AAGAB: variants seen among roughly 807,000 people sequenced by gnomAD.
The protein encoded by AAGAB is alpha- and gamma-adaptin-binding protein p34.
In AAGAB, 38 loss-of-function variants were observed where a neutral mutation model predicts 44.1. That is an observed-to-expected ratio of 0.86 (90% CI 0.67 to 1.13). The LOEUF is 1.13. Among genes scored for constraint, AAGAB ranks in the 50% most tolerant of loss-of-function variants. The probability of loss-of-function intolerance (pLI) is 0.00; values close to 1 mark genes in which losing one functional copy is unlikely to be tolerated. For synonymous variants in AAGAB, 131 were observed against 131.8 expected (o/e 0.99, Z 0.04); for missense variants, 450 against 373.8 (o/e 1.20, Z -1.68).
At chr15:67,222,252 A>ACC (rs1964096098) in intron 5 of AAGAB, among the ~76,000 whole-genome samples, 1 of 138,956 alleles carries the variant, frequency 7.2e-6, no homozygotes, top group Non-Finnish European at 1.5e-5. Flanking sequence ...GCACACACAC[A>ACC]CACACACACA....
chr15:67,210,283 G>A (rs1204492732), intron 5 of AAGAB, among the ~76,000 whole-genome samples: 2 of 152,088 alleles, frequency 1.3e-5, no homozygotes, highest in Non-Finnish European at 2.9e-5. Flanking sequence ...TTGGGAGGCC[G>A]AGGCCGGCGG....
intron 5 of AAGAB, among the ~76,000 whole-genome samples, chr15:67,211,970 C>A (rs1056161600): frequency 2.6e-5 from 4 of 151,964 alleles, no homozygotes; most frequent in Non-Finnish European, 5.9e-5. Context: ...AGCTCCGCCT[C>A]CTGGGTTCAC....
chr15:67,231,697 GA>G lies in AAGAB; in HGVS notation c.535+116del. 7 of 826,574 alleles carry G rather than the reference GA, an allele frequency of 8.5e-6. No individual in the cohort carries two copies. In the South Asian group the frequency reaches 1.2e-4, roughly 14 times the overall value. The allele number at this position is 826,574 out of a possible 1,614,324, so 51.2% of individuals were successfully genotyped here. On this transcript the variant is annotated intron_variant, in intron 5 of 9. Coordinates refer to ENST00000261880, the MANE Select transcript of AAGAB (RefSeq NM_024666.5). ...TGGCGCTTCCTTCAATCAGCGAACT[GA>G]AATTGGAACAAATCTACAGATTTCA...
intron 1 of AAGAB, among the ~76,000 whole-genome samples, chr15:67,239,549 T>G (rs1440115087): frequency 6.6e-6 from 1 of 152,242 alleles, no homozygotes; most frequent in East Asian, 1.9e-4. Context: ...GGTTTTTGTT[T>G]TATTCTCTGT....
chr15:67,217,998 A>G (rs1278520650), intron 5 of AAGAB, among the ~76,000 whole-genome samples: 1 of 152,232 alleles, frequency 6.6e-6, no homozygotes, highest in Non-Finnish European at 1.5e-5. Flanking sequence ...GAAAACTACA[A>G]CAGAAAGAAT....
intron 5 of AAGAB, among the ~76,000 whole-genome samples, chr15:67,215,175 C>G (rs1189485286): frequency 1.3e-5 from 2 of 152,050 alleles, no homozygotes; most frequent in Non-Finnish European, 2.9e-5. Context: ...TATTAATACT[C>G]ATCTCGAGTC....
chr15:67,213,587 C>G (rs1051960110), intron 5 of AAGAB, among the ~76,000 whole-genome samples: 3 of 151,932 alleles, frequency 2.0e-5, no homozygotes, highest in African/African-American at 7.3e-5. Flanking sequence ...TGATTTTTTC[C>G]CTTCTCCATT....
At chr15:67,232,934 T>C (rs1244337839) in intron 4 of AAGAB, 1 of 156,120 alleles carries the variant, frequency 6.4e-6, no homozygotes, top group Non-Finnish European at 1.4e-5. Context: ...AAGAATATTC[T>C]AGAAACTAAA....
chr15:67,222,242 G>GCACACACACA lies in AAGAB; in HGVS notation c.535+9562_535+9571dup, dbSNP rs370826027. Among the ~76,000 whole-genome samples the GCACACACACA allele has an allele frequency of 9.7e-4, 87 of 90,116 alleles. 1 individual carries two copies. The highest frequency in any genetic ancestry group is 5.5e-3 in the East Asian group (9 of 1,622). 59.1% of individuals were successfully genotyped at this position (90,116 alleles called of 152,430 possible). A position where few individuals can be genotyped will look rare whatever the true frequency, so the allele number is the denominator to read the frequency against. ...TGCATGCACGCGCACGCGCGCGCGC[G>GCACACACACA]CACACACACACACACACACACACAC... On this transcript the variant is annotated intron_variant, in intron 5 of 9. Coordinates refer to ENST00000261880, the MANE Select transcript of AAGAB (RefSeq NM_024666.5).
chr15:67,230,423 G>A (rs1964308819), intron 5 of AAGAB, among the ~76,000 whole-genome samples: 1 of 152,160 alleles, frequency 6.6e-6, no homozygotes, highest in Non-Finnish European at 1.5e-5. Flanking sequence ...CAATGTGACT[G>A]TTGTGCTTAT....
At chr15:67,223,491 C>G (rs1255280822) in intron 5 of AAGAB, among the ~76,000 whole-genome samples, 2 of 152,170 alleles carry the variant, frequency 1.3e-5, no homozygotes, top group Admixed American at 6.6e-5. Flanking sequence ...TCTAAACTAT[C>G]AGGAAACCAT....
chr15:67,225,750 A>G (rs932474647), intron 5 of AAGAB, among the ~76,000 whole-genome samples: 13 of 152,238 alleles, frequency 8.5e-5, no homozygotes, highest in Non-Finnish European at 1.3e-4. Context: ...ATTGAATAAC[A>G]GTCCATTGTA....
At chr15:67,253,154 G>C (rs1348146763) in intron 1 of AAGAB, among the ~76,000 whole-genome samples, 1 of 151,898 alleles carries the variant, frequency 6.6e-6, no homozygotes, top group African/African-American at 2.4e-5. Flanking sequence ...GGGCGCGGTG[G>C]TGACTCACAC....
intron 5 of AAGAB, among the ~76,000 whole-genome samples, chr15:67,227,329 T>C (rs1420939130): frequency 2.0e-5 from 3 of 149,778 alleles, no homozygotes; most frequent in Admixed American, 6.7e-5. Context: ...ATACCTCTAT[T>C]TTTTTTTTTA....
intron 1 of AAGAB, among the ~76,000 whole-genome samples, chr15:67,239,302 C>A (rs879677019): frequency 6.6e-6 from 1 of 152,130 alleles, no homozygotes; most frequent in Non-Finnish European, 1.5e-5. Flanking sequence ...ATATTTAGAT[C>A]CATTAATGAT....
At chr15:67,247,180 G>C (rs1369316822) in intron 1 of AAGAB, among the ~76,000 whole-genome samples, 1 of 152,092 alleles carries the variant, frequency 6.6e-6, no homozygotes, top group Non-Finnish European at 1.5e-5. Flanking sequence ...GCGAGACCAC[G>C]AACCCACCAG....
At chr15:67,209,663 A>G in intron 5 of AAGAB, 119 bp from the exon 6 acceptor site, 1 of 788,250 alleles carries the variant, frequency 1.3e-6, no homozygotes, top group Non-Finnish European at 2.1e-6. Context: ...ACATATATAT[A>G]TATTTTTGAG....
intron 7 of AAGAB, among the ~76,000 whole-genome samples, chr15:67,205,692 G>A (rs557643932): frequency 7.2e-5 from 11 of 152,274 alleles, no homozygotes; most frequent in Admixed American, 1.3e-4. Flanking sequence ...CCGATTTAGC[G>A]GCATGGAGGT....
rs1963570365 is a variant in AAGAB at position 67,201,515 on chromosome 15, GT to G, written c.*1305del. The G allele has an allele frequency of 6.6e-6, 1 of 152,262 alleles. No individual in the cohort carries two copies. The highest frequency in any genetic ancestry group is 2.4e-5 in the African/African-American group (1 of 41,394). The allele number at this position is 152,262 out of a possible 1,614,324, so 9.4% of individuals were successfully genotyped here. A position where few individuals can be genotyped will look rare whatever the true frequency, so the allele number is the denominator to read the frequency against. ...TTTCTTTCTGCTCCTAACCCAACCT[GT>G]TTCTTTCATGCTGTGTAAATGGTTC... On this transcript the variant is annotated 3_prime_UTR_variant, in exon 10 of 10. Transcript: ENST00000261880.
Sources: allele counts gnomAD v4.1 joint callset (sites outside exome capture counted in the v4.1 genomes callset), GRCh38; gene constraint gnomAD v4.1.1; transcripts MANE v1.5; gene names NCBI Gene and HGNC (gene_info 2026-07-23, HGNC 2026-07-21).